GRIK2: variants seen among roughly 807,000 people sequenced by gnomAD.
The protein encoded by GRIK2 is glutamate receptor ionotropic, kainate 2.
GRIK2 carries 32 observed loss-of-function variants against 100.3 expected under a neutral mutation model. That is an observed-to-expected ratio of 0.32 (90% CI 0.24 to 0.43). GRIK2 has a LOEUF of 0.43. Ranked by LOEUF, GRIK2 falls within the 20% of genes least tolerant of loss-of-function variation. The pLI, the probability that GRIK2 is intolerant of heterozygous loss-of-function variation, is 1.00. For missense variants in GRIK2, 843 were observed against 1,114.9 expected (o/e 0.76, Z 3.47); for synonymous variants, 417 against 389.4 (o/e 1.07, Z -0.83).
At chr6:102,052,568 T>A (rs71566390) in intron 15 of GRIK2, among the ~76,000 whole-genome samples, 11,107 of 152,262 alleles carry the variant, frequency 0.073, 560 homozygotes, top group Middle Eastern at 0.17. Flanking sequence ...TTCTTGAGAA[T>A]GTAATGGAGA....
chr6:101,398,716 G>T (rs769005417), intron 1 of GRIK2: 8 of 299,422 alleles, frequency 2.7e-5, no homozygotes, highest in Non-Finnish European at 4.3e-5. Flanking sequence ...CTTCTTTCTT[G>T]CAACTCAAGG....
chr6:101,541,376 C>CCCACACACACA (rs1554217240), intron 2 of GRIK2, among the ~76,000 whole-genome samples: 63 of 5,596 alleles, frequency 0.011, no homozygotes, highest in African/African-American at 0.015. Flanking sequence ...GCGCACACAA[C>CCCACACACACA]CACACACACA....
rs141554848 is a variant in GRIK2 at position 101,838,011 on chromosome 6, C to T, written c.1317+19528C>T. ...TTTCCCCTTCTCCCCCAAAGCACGTCATAAGACTCTCATCTGAGAGGTACC... is the reference window on the plus strand; with the variant it reads ...TTTCCCCTTCTCCCCCAAAGCACGTTATAAGACTCTCATCTGAGAGGTACC... On this transcript the variant is annotated intron_variant, in intron 10 of 16. Coordinates refer to ENST00000369134, the MANE Select transcript of GRIK2 (RefSeq NM_021956.5). 3.1e-3 allele frequency among the ~76,000 whole-genome samples: 470 copies of T among 152,058 alleles called. 9 individuals are homozygous for T. Among genetic ancestry groups the T allele is most frequent in the Admixed American group, 0.027 (414 of 15,272 alleles).
chr6:101,602,909 C>A (rs1779288240), intron 2 of GRIK2, among the ~76,000 whole-genome samples: 1 of 151,690 alleles, frequency 6.6e-6, no homozygotes, highest in Non-Finnish European at 1.5e-5. Flanking sequence ...TAGCTCTAAT[C>A]AAACAGAATT....
At chr6:102,045,115 C>T (rs1770813508) in intron 15 of GRIK2, among the ~76,000 whole-genome samples, 1 of 151,986 alleles carries the variant, frequency 6.6e-6, no homozygotes, top group East Asian at 1.9e-4. Flanking sequence ...CTTAGCGTAG[C>T]TGTGAGATCC....
chr6:101,958,719 G>A (rs1183250490), intron 14 of GRIK2, among the ~76,000 whole-genome samples: 2 of 151,960 alleles, frequency 1.3e-5, no homozygotes, highest in Non-Finnish European at 2.9e-5. Context: ...GGTGTGCTGA[G>A]TGTTTTTATC....
intron 2 of GRIK2, among the ~76,000 whole-genome samples, chr6:101,601,080 A>C (rs949200215): frequency 3.8e-4 from 53 of 140,514 alleles, no homozygotes; most frequent in African/African-American, 1.4e-3. Flanking sequence ...GATGGCTCTT[A>C]TTATTTTGAA....
At chr6:101,761,470 C>G (rs1289273566) in intron 7 of GRIK2, among the ~76,000 whole-genome samples, 1 of 152,080 alleles carries the variant, frequency 6.6e-6, no homozygotes, top group African/African-American at 2.4e-5. Flanking sequence ...GGCCCCACCC[C>G]TTCATTTCTC....
At chr6:101,659,653 T>C (rs762527171) in intron 4 of GRIK2, among the ~76,000 whole-genome samples, 2 of 152,228 alleles carry the variant, frequency 1.3e-5, no homozygotes, top group African/African-American at 4.8e-5. Flanking sequence ...GGAGCTCTTG[T>C]AAGACAGGCC....
intron 2 of GRIK2, among the ~76,000 whole-genome samples, chr6:101,469,356 G>A (rs1051405156): frequency 1.3e-5 from 2 of 152,092 alleles, no homozygotes; most frequent in African/African-American, 4.8e-5. Flanking sequence ...CAAGACCCAT[G>A]CTAGTGAAAG....
At chr6:101,686,402 G>A in intron 7 of GRIK2, 49 bp downstream of exon 7, 1 of 1,391,148 alleles carries the variant, frequency 7.2e-7, no homozygotes, top group Non-Finnish European at 1.0e-6. Context: ...AAATAGTATT[G>A]CATACATATG....
rs201561174 is a variant in GRIK2, at chr6:101,707,606, GTATA to G, written c.951+21271_951+21274del. On this transcript the variant is annotated intron_variant, in intron 7 of 16. Transcript: ENST00000369134. The stretch of plus-strand genomic sequence containing the variant: ...TGTGTGTGTGTGTGTATATATGTGT[GTATA>G]TATATATATATATATATGAATTGTG... 8.1e-5 allele frequency among the ~76,000 whole-genome samples: 10 copies of G among 122,898 alleles called. No individual in the cohort carries two copies. The East Asian group carries it at 1.3e-3, about 16-fold the overall frequency. 80.6% of individuals were successfully genotyped at this position (122,898 alleles called of 152,430 possible). A position where few individuals can be genotyped will look rare whatever the true frequency, so the allele number is the denominator to read the frequency against.
intron 7 of GRIK2, among the ~76,000 whole-genome samples, chr6:101,721,140 G>A (rs1364953942): frequency 1.3e-5 from 2 of 151,854 alleles, no homozygotes; most frequent in Admixed American, 1.3e-4. Flanking sequence ...TCTTCTATAG[G>A]TACTCAGGAC....
chr6:101,609,476 A>C (rs1779578739), intron 2 of GRIK2, among the ~76,000 whole-genome samples: 1 of 151,834 alleles, frequency 6.6e-6, no homozygotes, highest in Admixed American at 6.6e-5. Flanking sequence ...TTTAGCAAAT[A>C]CCTGAGGCTT....
intron 2 of GRIK2, among the ~76,000 whole-genome samples, chr6:101,429,171 T>G (rs555096902): frequency 2.4e-4 from 37 of 152,162 alleles, no homozygotes; most frequent in Non-Finnish European, 4.7e-4. Flanking sequence ...CTGAACCGGA[T>G]CTTCAGTCAA....
At chr6:101,774,421 G>A (rs527391501) in intron 7 of GRIK2, among the ~76,000 whole-genome samples, 14 of 152,148 alleles carry the variant, frequency 9.2e-5, no homozygotes, top group South Asian at 2.1e-4. Context: ...AATCAATAGC[G>A]GTTCCAAATG....
At chr6:101,729,739 A>G (rs999811651) in intron 7 of GRIK2, among the ~76,000 whole-genome samples, 3 of 152,008 alleles carry the variant, frequency 2.0e-5, no homozygotes, top group Admixed American at 2.0e-4. Context: ...CTCATGCATA[A>G]AAGATCAATC....
chr6:101,693,388 C>G (rs957595906), intron 7 of GRIK2, among the ~76,000 whole-genome samples: 1 of 151,468 alleles, frequency 6.6e-6, no homozygotes, highest in African/African-American at 2.4e-5. Flanking sequence ...TACATTTCTG[C>G]ACACAATTTT....
intron 7 of GRIK2, among the ~76,000 whole-genome samples, chr6:101,719,138 G>GTTTTTTTTTTT (rs60301711): frequency 3.4e-4 from 34 of 101,138 alleles, no homozygotes; most frequent in African/African-American, 1.4e-3. Context: ...GGCTGCAAGG[G>GTTTTTTTTTTT]TTTTTTTTTT....
Sources: gnomAD v4.1 joint callset for allele counts (sites outside exome capture counted in the v4.1 genomes callset) on GRCh38, gnomAD v4.1.1 for gene constraint, MANE v1.5 for transcripts, NCBI Gene and HGNC (gene_info 2026-07-23, HGNC 2026-07-21) for gene names.